The following COL4A1 variants were observed in gnomAD, a reference collection of about 807,000 sequenced individuals.
COL4A1 encodes collagen type IV alpha 1 chain, also known as collagen alpha-1(IV) chain.
Under a neutral mutation model 216.6 loss-of-function variants are expected in COL4A1, and 40 were observed. The observed-to-expected ratio is 0.18, with a 90% CI of 0.14 to 0.24. The LOEUF (loss-of-function observed/expected upper bound fraction) is 0.24, where lower values mean the gene tolerates loss of function less well. COL4A1 is among the 10% of genes least tolerant of loss of function. The pLI is 1.00. For synonymous variants in COL4A1, 839 were observed against 810.7 expected, an observed-to-expected ratio of 1.03 and a Z score of -0.59; for missense variants, 1,628 against 2,196.8, an observed-to-expected ratio of 0.74 and a Z score of 5.18.
At chr13:110,225,089 G>T (rs1880676571) in intron 2 of COL4A1, among the ~76,000 whole-genome samples, 1 of 151,944 alleles carries the variant, frequency 6.6e-6, no homozygotes, top group African/African-American at 2.4e-5. Context: ...GGTTTTACAG[G>T]TGCCCTGCCA....
At chr13:110,189,455 C>G (rs1032309096) in intron 24 of COL4A1, among the ~76,000 whole-genome samples, 6 of 152,236 alleles carry the variant, frequency 3.9e-5, no homozygotes, top group Non-Finnish European at 7.3e-5. Context: ...ATGGCAGAAG[C>G]TTCTCATGGA....
At chr13:110,218,566 T>C (rs1342512178) in intron 2 of COL4A1, among the ~76,000 whole-genome samples, 3 of 152,220 alleles carry the variant, frequency 2.0e-5, no homozygotes, top group Non-Finnish European at 4.4e-5. Context: ...TAAAATGTCA[T>C]GGGATGCTGA....
rs181845921 is a variant in COL4A1 at position 110,209,424 on chromosome 13, G to A, written c.619C>T (p.Pro207Ser). ...GPPGFTGPPGPPGPPGPPGEK... is the reference protein window; with the variant it reads ...GPPGFTGPPGSPGPPGPPGEK... ...CCTGGAGGGCCGGGAGGGCCTGGGG[G>A]ACCCTGGGAGAGACAGCATTTTAAT... Residue 207 changes from proline to serine, a missense_variant, in exon 11 of 52, where the codon CCC becomes TCC. Physicochemically the swap from Pro to Ser is moderately conservative, Grantham distance 74. Transcript: ENST00000375820. 1 of 1,604,468 alleles carries A rather than the reference G, an allele frequency of 6.2e-7. No homozygotes were observed. The highest frequency in any genetic ancestry group is 1.7e-5 in the Admixed American group (1 of 57,758).
intron 24 of COL4A1, among the ~76,000 whole-genome samples, chr13:110,187,698 G>GTTCTGATC (rs1878463272): frequency 6.6e-6 from 1 of 152,142 alleles, no homozygotes; most frequent in Non-Finnish European, 1.5e-5. Context: ...TGATTGATGT[G>GTTCTGATC]TGGTTCATTG....
At chr13:110,197,070 T>C (rs2139185475) in intron 21 of COL4A1, among the ~76,000 whole-genome samples, 1 of 152,326 alleles carries the variant, frequency 6.6e-6, no homozygotes, top group Admixed American at 6.5e-5. Context: ...TATTTTTACA[T>C]GACGTGTGTT....
intron 1 of COL4A1, among the ~76,000 whole-genome samples, chr13:110,243,933 C>T (rs1374940465): frequency 6.6e-6 from 1 of 152,194 alleles, no homozygotes; most frequent in Non-Finnish European, 1.5e-5. Context: ...TACGTCGGTA[C>T]ATACACGCAC....
At chr13:110,298,543 T>G (rs1032328382) in intron 1 of COL4A1, 1 of 152,192 alleles carries the variant, frequency 6.6e-6, no homozygotes, top group African/African-American at 2.4e-5. Context: ...CTTTGGTAAG[T>G]TTATCTTCAT....
intron 50 of COL4A1, among the ~76,000 whole-genome samples, chr13:110,153,940 G>A (rs1396049631): frequency 6.6e-6 from 1 of 152,184 alleles, no homozygotes; most frequent in South Asian, 2.1e-4. Context: ...CGGCTGGGGC[G>A]CAGGGCAGAC....
At chr13:110,293,165 G>A (rs907976477) in intron 1 of COL4A1, among the ~76,000 whole-genome samples, 3 of 152,240 alleles carry the variant, frequency 2.0e-5, no homozygotes, top group Non-Finnish European at 4.4e-5. Flanking sequence ...TGGAGGTTTA[G>A]CCCTCCCATG....
chr13:110,178,599 G>T lies in COL4A1; in HGVS notation c.2458+324C>A, dbSNP rs1464308577. On this transcript the variant is annotated intron_variant, in intron 31 of 51. Transcript: ENST00000375820. ...TAGGTTCTAGACATGGACTCAATTAGTTGAAATTATCCACCACTAATTAAC... is the reference window on the plus strand; with the variant it reads ...TAGGTTCTAGACATGGACTCAATTATTTGAAATTATCCACCACTAATTAAC... Among the ~76,000 whole-genome samples the T allele has an allele frequency of 5.3e-5, 8 of 152,258 alleles. No homozygotes were observed. The South Asian group carries it at 1.7e-3, about 32-fold the overall frequency.
At chr13:110,174,981 T>G (rs1877815326) in intron 37 of COL4A1, among the ~76,000 whole-genome samples, 1 of 152,172 alleles carries the variant, frequency 6.6e-6, no homozygotes, top group South Asian at 2.1e-4. Context: ...TCCTCCATCC[T>G]CTCTGTTTTA....
intron 48 of COL4A1, among the ~76,000 whole-genome samples, chr13:110,161,651 G>A (rs1234067814): frequency 1.3e-5 from 2 of 150,124 alleles, no homozygotes; most frequent in Admixed American, 1.3e-4. Context: ...TTTCACAACA[G>A]TTTTGCAGAA....
At position 110,219,678 on chromosome 13, in the gene COL4A1, G is replaced by GTATATATATGTATATA. The variant is rs1555307861; in HGVS notation, c.145-5664_145-5663insTATATACATATATATA. ...TATATATATGTATATATATATATATGTGTATATATATGTATATATATGTAT... is the reference window on the plus strand; with the variant it reads ...TATATATATGTATATATATATATATGTATATATATGTATATATGTATATATATGTATATATATGTAT... On this transcript the variant is annotated intron_variant, in intron 2 of 51. Transcript: ENST00000375820. 7.0e-4 allele frequency among the ~76,000 whole-genome samples: 86 copies of GTATATATATGTATATA among 123,192 alleles called. 2 individuals carry two copies. The highest frequency in any genetic ancestry group is 2.7e-3 in the African/African-American group (83 of 30,556). 80.8% of individuals were successfully genotyped at this position (123,192 alleles called of 152,430 possible).
In COL4A1 at chr13:110,221,715, GAAAA is replaced by G. The variant is rs528769748; in HGVS notation, c.145-7704_145-7701del. On this transcript the variant is annotated intron_variant, in intron 2 of 51. Coordinates refer to ENST00000375820, the MANE Select transcript of COL4A1 (RefSeq NM_001845.6). ...AAGAGTTTTTTCTTATCTTTTTTCAGAAAAAACAGTCCAAAATGCTCTCATTAAT... is the reference window on the plus strand; with the variant it reads ...AAGAGTTTTTTCTTATCTTTTTTCAGAACAGTCCAAAATGCTCTCATTAAT... Among the ~76,000 whole-genome samples the G allele has an allele frequency of 1.8e-3, 275 of 152,176 alleles. 1 individual carries two copies. Among genetic ancestry groups the G allele is most frequent in the African/African-American group, 6.4e-3 (266 of 41,528 alleles).
At chr13:110,259,377 GA>G (rs1312359434) in intron 1 of COL4A1, among the ~76,000 whole-genome samples, 1 of 152,166 alleles carries the variant, frequency 6.6e-6, no homozygotes, top group Non-Finnish European at 1.5e-5. Flanking sequence ...GAAACAAACT[GA>G]AAGTATTTCA....
intron 21 of COL4A1, among the ~76,000 whole-genome samples, chr13:110,195,629 T>A (rs1878852289): frequency 6.6e-6 from 1 of 152,184 alleles, no homozygotes; most frequent in Non-Finnish European, 1.5e-5. Flanking sequence ...CACATTCAAT[T>A]CTGAGCATCA....
rs145645897 is a variant in COL4A1, at chr13:110,183,081, G to C, written c.2007C>G (p.Pro669=). ...GCAGGCCTGGCCTTCCTGGGGTTCC[G>C]GGAAAGCCTCGGTCTCCTGTGGTGA... ...FPGPQGDRGF[P]GTPGRPGLPG... is the part of the protein sequence containing the mutation. The change falls in exon 28 of 52, where the codon CCC becomes CCG. Residue 669 remains proline, a synonymous_variant. Transcript: ENST00000375820. 1.2e-6 allele frequency: 2 copies of C among 1,612,912 alleles called. No homozygotes were observed. The highest frequency in any genetic ancestry group is 2.2e-5 in the East Asian group (1 of 44,852).
At chr13:110,160,396 T>C (rs1469439865) in intron 49 of COL4A1, among the ~76,000 whole-genome samples, 5 of 117,932 alleles carry the variant, frequency 4.2e-5, no homozygotes, top group Admixed American at 8.7e-5. Flanking sequence ...TGAGCCGAGA[T>C]TGCGCCACTG....
chr13:110,173,416 A>G (rs1333890106), intron 40 of COL4A1, among the ~76,000 whole-genome samples: 1 of 152,122 alleles, frequency 6.6e-6, no homozygotes, highest in Non-Finnish European at 1.5e-5. Context: ...ATTACTGTGT[A>G]TGTGATTGTC....
Sources: gnomAD v4.1 joint callset for allele counts (sites outside exome capture counted in the v4.1 genomes callset) on GRCh38, gnomAD v4.1.1 for gene constraint, MANE v1.5 for transcripts, NCBI Gene and HGNC (gene_info 2026-07-23, HGNC 2026-07-21) for gene names.